The following KLF7 variants were observed in gnomAD, a reference collection of about 807,000 sequenced individuals.
KLF7 encodes KLF transcription factor 7, also known as Krueppel-like factor 7.
A neutral mutation model predicts 27.3 loss-of-function variants in KLF7; 2 were observed. The observed-to-expected ratio is 0.07, with a 90% CI of 0.03 to 0.23. The LOEUF is 0.23. Among genes scored for constraint, KLF7 ranks in the 10% least tolerant of loss-of-function variants. KLF7 has a pLI of 1.00. For missense variants in KLF7, 221 were observed against 394.1 expected (o/e 0.56, Z 3.72); for synonymous variants, 165 against 162.4 (o/e 1.02, Z -0.12).
intron 2 of KLF7, among the ~76,000 whole-genome samples, chr2:207,102,865 CAT>C (rs2076799528): frequency 6.6e-6 from 1 of 152,148 alleles, no homozygotes. Flanking sequence ...TGCTTGTTGA[CAT>C]ATGACCAAGT....
At chr2:207,134,872 C>T (rs569471014) in intron 1 of KLF7, among the ~76,000 whole-genome samples, 25 of 152,306 alleles carry the variant, frequency 1.6e-4, no homozygotes, top group Non-Finnish European at 2.4e-4. Flanking sequence ...ACCTACAACG[C>T]AGAAGCATTG....
intron 1 of KLF7, among the ~76,000 whole-genome samples, chr2:207,133,556 T>C (rs2077696026): frequency 6.6e-6 from 1 of 152,204 alleles, no homozygotes; most frequent in South Asian, 2.1e-4. Flanking sequence ...AATGGCCCTG[T>C]CGCTTTTTCA....
intron 2 of KLF7, among the ~76,000 whole-genome samples, chr2:207,106,291 C>T (rs1030889108): frequency 4.6e-5 from 7 of 152,128 alleles, no homozygotes; most frequent in Admixed American, 2.6e-4. Flanking sequence ...CTGCCAAAGG[C>T]AATGAGCCAA....
chr2:207,101,805 C>A (rs1466706527), intron 2 of KLF7, among the ~76,000 whole-genome samples: 1 of 152,160 alleles, frequency 6.6e-6, no homozygotes, highest in Non-Finnish European at 1.5e-5. Flanking sequence ...GCTCGCCTAA[C>A]TTCCTCTAGA....
intron 1 of KLF7, among the ~76,000 whole-genome samples, chr2:207,148,616 A>C (rs769958362): frequency 7.9e-5 from 12 of 152,272 alleles, no homozygotes; most frequent in Non-Finnish European, 1.5e-4. Flanking sequence ...AAATCAGGGG[A>C]CTTCAAATAA....
chr2:207,134,262 C>T, intron 1 of KLF7: 1 of 680,310 alleles, frequency 1.5e-6, no homozygotes, highest in Non-Finnish European at 2.4e-6. Flanking sequence ...CCCCTACCCC[C>T]ATAAAAAACA....
intron 1 of KLF7, among the ~76,000 whole-genome samples, chr2:207,141,347 T>C (rs1559155854): frequency 2.0e-5 from 3 of 152,180 alleles, no homozygotes; most frequent in South Asian, 4.1e-4. Flanking sequence ...GGTGCTGCAG[T>C]AGGTAGATGC....
chr2:207,125,989 A>G (rs1574508345), intron 1 of KLF7, among the ~76,000 whole-genome samples: 1 of 152,356 alleles, frequency 6.6e-6, no homozygotes, highest in South Asian at 2.1e-4. Context: ...TCTATACTCT[A>G]TTAATGTAGT....
chr2:207,171,872 G>A (rs1304021829), upstream of KLF7, among the ~76,000 whole-genome samples: 1 of 152,090 alleles, frequency 6.6e-6, no homozygotes, highest in East Asian at 1.9e-4. Context: ...ACCAAAGTCA[G>A]CAATATTTTC....
intron 1 of KLF7, among the ~76,000 whole-genome samples, chr2:207,127,972 T>C (rs961908868): frequency 2.0e-5 from 3 of 152,162 alleles, no homozygotes. Flanking sequence ...TACATACATA[T>C]ATTTCCTAAC....
At chr2:207,165,350 A>G in intron 1 of KLF7, 117 bp downstream of exon 1, 1 of 1,420,018 alleles carries the variant, frequency 7.0e-7, no homozygotes, top group Non-Finnish European at 9.6e-7. Context: ...ACAGCCAAAA[A>G]GGAAGAAAAA....
chr2:207,130,606 C>A (rs951531425), intron 1 of KLF7, among the ~76,000 whole-genome samples: 9 of 152,192 alleles, frequency 5.9e-5, no homozygotes, highest in Non-Finnish European at 1.3e-4. Context: ...AACTCCCATC[C>A]ATTGCAACCA....
chr2:207,156,747 C>A (rs903186422), intron 1 of KLF7, among the ~76,000 whole-genome samples: 3 of 152,194 alleles, frequency 2.0e-5, no homozygotes, highest in African/African-American at 7.2e-5. Flanking sequence ...TGGGCAGCTG[C>A]TATTAACAAA....
chr2:207,132,786 AG>A (rs2077672798), intron 1 of KLF7, among the ~76,000 whole-genome samples: 1 of 152,242 alleles, frequency 6.6e-6, no homozygotes, highest in Admixed American at 6.5e-5. Flanking sequence ...CACCGCTTGA[AG>A]GAAGGCACTG....
At chr2:207,118,285 T>C (rs73064710) in intron 2 of KLF7, among the ~76,000 whole-genome samples, 1,591 of 152,156 alleles carry the variant, frequency 0.01, 26 homozygotes, top group African/African-American at 0.036. Flanking sequence ...AAAGTGAAAA[T>C]AGTAACAACC....
rs1054954823 is a variant in KLF7, at chr2:207,079,781, C to T, written c.*1432G>A. ...AAAAAGGAAAGAAAGAAACGTGTCT[C>T]TCCTTTTAGACAGCCCATGAGAGAA... On this transcript the variant is annotated 3_prime_UTR_variant, in exon 4 of 4. Coordinates refer to ENST00000309446, the MANE Select transcript of KLF7 (RefSeq NM_003709.4). 2.0e-5 allele frequency: 3 copies of T among 152,132 alleles called. No individual in the cohort carries two copies. The highest frequency in any genetic ancestry group is 7.2e-5 in the African/African-American group (3 of 41,436). The allele number at this position is 152,132 out of a possible 1,614,324, so 9.4% of individuals were successfully genotyped here.
intron 1 of KLF7, chr2:207,149,240 C>T (rs1178179613): frequency 6.1e-6 from 6 of 983,064 alleles, no homozygotes; most frequent in Middle Eastern, 2.4e-4. Flanking sequence ...AAGCAACACC[C>T]CCACTCAGCG....
intron 3 of KLF7, 113 bp downstream of exon 3, chr2:207,088,345 C>T: frequency 7.9e-7 from 1 of 1,273,398 alleles, no homozygotes; most frequent in East Asian, 2.4e-5. Flanking sequence ...ATTCCCAGGT[C>T]CAAGTGTCTG....
intron 2 of KLF7, among the ~76,000 whole-genome samples, chr2:207,111,704 C>T (rs2077042733): frequency 6.6e-6 from 1 of 152,150 alleles, no homozygotes; most frequent in Admixed American, 6.5e-5. Flanking sequence ...TGCACTCTCA[C>T]TATTGTTTTA....
Sources: gnomAD v4.1 joint callset for allele counts (sites outside exome capture counted in the v4.1 genomes callset) on GRCh38, gnomAD v4.1.1 for gene constraint, MANE v1.5 for transcripts, NCBI Gene and HGNC (gene_info 2026-07-23, HGNC 2026-07-21) for gene names.